The following RARS2 variants were observed in gnomAD, a reference collection of about 807,000 sequenced individuals.
The protein encoded by RARS2 is probable arginine--tRNA ligase, mitochondrial.
RARS2 carries 67 observed loss-of-function variants against 88.5 expected under a neutral mutation model. That is an observed-to-expected ratio of 0.76 (90% CI 0.62 to 0.93). RARS2 has a LOEUF of 0.93. RARS2 is among the 40% of genes least tolerant of loss of function. RARS2 has a pLI of 0.00. For missense variants in RARS2, 664 were observed against 684.2 expected (o/e 0.97, Z 0.33); for synonymous variants, 239 against 230.3 (o/e 1.04, Z -0.34).
intron 18 of RARS2, 74 bp from the exon 19 acceptor site, chr6:87,515,094 A>C: frequency 8.9e-7 from 1 of 1,124,006 alleles, no homozygotes; most frequent in Non-Finnish European, 1.4e-6. Context: ...TTGATATCTA[A>C]TCTTACTCCT....
chr6:87,586,325 C>T (rs890323444), intron 1 of RARS2, among the ~76,000 whole-genome samples: 1 of 152,218 alleles, frequency 6.6e-6, no homozygotes, highest in Non-Finnish European at 1.5e-5. Flanking sequence ...ATGTACATAT[C>T]ATGCTTTCCA....
chr6:87,521,520 G>C lies in RARS2; in HGVS notation c.979C>G (p.Leu327Val). Residue 327 changes from leucine to valine, a missense_variant, in exon 12 of 20, where the codon CTT becomes GTT. By Grantham distance (32) the Leu-to-Val change is conservative. Transcript: ENST00000369536. Reference sequence around the variant, plus strand: ...TCCATTCGATCTATAGCAGCTGCAAGATCTCTGAAACAAAGTGGCCATAAA... The same window carrying C: ...TCCATTCGATCTATAGCAGCTGCAACATCTCTGAAACAAAGTGGCCATAAA... ...DGTSLYATRD[L>V]AAAIDRMDKY... 6.2e-7 allele frequency: 1 copy of C among 1,611,948 alleles called. No homozygotes were observed. The highest frequency in any genetic ancestry group is 8.5e-7 in the Non-Finnish European group (1 of 1,178,356).
chr6:87,516,617 G>T (rs1422698433), intron 18 of RARS2, among the ~76,000 whole-genome samples, 189 bp downstream of exon 18: 1 of 152,216 alleles, frequency 6.6e-6, no homozygotes, highest in African/African-American at 2.4e-5. Flanking sequence ...CCAGTCTACA[G>T]TGACAGTACC....
chr6:87,558,126 A>T (rs903341138), intron 4 of RARS2, among the ~76,000 whole-genome samples: 4 of 152,042 alleles, frequency 2.6e-5, no homozygotes, highest in Non-Finnish European at 4.4e-5. Context: ...GCAATGAGCC[A>T]AGATCACGCC....
chr6:87,582,193 C>T (rs542496944), intron 1 of RARS2, among the ~76,000 whole-genome samples: 300 of 152,308 alleles, frequency 2.0e-3, no homozygotes, highest in African/African-American at 7.0e-3. Context: ...CTGTCTTCCA[C>T]AATGGCTGAA....
intron 8 of RARS2, among the ~76,000 whole-genome samples, chr6:87,541,699 C>T (rs1195630261): frequency 6.6e-6 from 1 of 152,112 alleles, no homozygotes; most frequent in Non-Finnish European, 1.5e-5. Context: ...TGGCATACGC[C>T]TGTAGTCCCA....
Position 87,569,675 on chromosome 6 carries a change from T to C in RARS2, c.37-85A>G, listed in dbSNP as rs577061603. ...GAATACCACTTGTAAGAATAAACTATTAATACACTTAACACGAATGAGCTC... is the reference window on the plus strand; with the variant it reads ...GAATACCACTTGTAAGAATAAACTACTAATACACTTAACACGAATGAGCTC... On this transcript the variant is annotated intron_variant, in intron 1 of 19. Transcript: ENST00000369536. 2.9e-6 allele frequency: 3 copies of C among 1,027,512 alleles called. No homozygotes were observed. The African/African-American group carries it at 4.7e-5, about 16-fold the overall frequency. The allele number at this position is 1,027,512 out of a possible 1,614,324, so 63.6% of individuals were successfully genotyped here.
At chr6:87,558,587 T>C (rs970598282) in intron 4 of RARS2, among the ~76,000 whole-genome samples, 2 of 152,194 alleles carry the variant, frequency 1.3e-5, no homozygotes, top group African/African-American at 2.4e-5. Flanking sequence ...GTGGTCCCAT[T>C]AAGACTATAA....
chr6:87,562,604 C>T (rs764864060), intron 4 of RARS2, 98 bp downstream of exon 4: 2 of 873,300 alleles, frequency 2.3e-6, no homozygotes, highest in Non-Finnish European at 3.8e-6. Context: ...GGTTTTGAGG[C>T]CAGAGGAGGC....
intron 5 of RARS2, among the ~76,000 whole-genome samples, chr6:87,552,895 A>G (rs35031351): frequency 0.064 from 9,681 of 152,252 alleles, 390 homozygotes; most frequent in African/African-American, 0.12. Flanking sequence ...TTTATTTGCC[A>G]GTTAGGTAAT....
At chr6:87,551,248 T>C (rs926124525) in intron 5 of RARS2, among the ~76,000 whole-genome samples, 1 of 152,166 alleles carries the variant, frequency 6.6e-6, no homozygotes, top group Non-Finnish European at 1.5e-5. Flanking sequence ...GTAGCTATTA[T>C]GAATTATAAT....
At chr6:87,563,667 G>A (rs1192744932) in intron 3 of RARS2, among the ~76,000 whole-genome samples, 1 of 152,132 alleles carries the variant, frequency 6.6e-6, no homozygotes, top group East Asian at 1.9e-4. Flanking sequence ...AAACCCATCA[G>A]AGAACTTAGA....
At chr6:87,515,154 A>C (rs1771144322) in intron 18 of RARS2, 134 bp from the exon 19 acceptor site, 2 of 765,022 alleles carry the variant, frequency 2.6e-6, no homozygotes, top group Non-Finnish European at 4.6e-6. Context: ...AAAATTGTGA[A>C]GTTGAAACTG....
chr6:87,555,077 C>T (rs1056858751), intron 5 of RARS2, among the ~76,000 whole-genome samples: 6 of 147,438 alleles, frequency 4.1e-5, no homozygotes, highest in Non-Finnish European at 6.0e-5. Flanking sequence ...CCAGCCTGGG[C>T]GACAGAGTGA....
At chr6:87,564,061 G>C (rs1225278628) in intron 3 of RARS2, 69 bp downstream of exon 3, 7 of 1,151,900 alleles carry the variant, frequency 6.1e-6, no homozygotes, top group Non-Finnish European at 7.9e-6. Flanking sequence ...GGCTGAGATA[G>C]CCTGCAAAGT....
chr6:87,520,584 T>C (rs985775298), intron 12 of RARS2, among the ~76,000 whole-genome samples: 2 of 152,136 alleles, frequency 1.3e-5, no homozygotes, highest in Non-Finnish European at 2.9e-5. Flanking sequence ...AAATATTTGA[T>C]GGTAACTTTC....
At chr6:87,540,447 A>AG (rs1491378096) in intron 8 of RARS2, among the ~76,000 whole-genome samples, 1 of 97,586 alleles carries the variant, frequency 1.0e-5, no homozygotes, top group Non-Finnish European at 2.3e-5. Flanking sequence ...GAGACTCCTC[A>AG]AAAAAAAAAA....
chr6:87,551,939 G>GAAACAGTAATT (rs1214042397), intron 5 of RARS2, among the ~76,000 whole-genome samples: 1 of 152,142 alleles, frequency 6.6e-6, no homozygotes, highest in Non-Finnish European at 1.5e-5. Context: ...GATTAGAGAG[G>GAAACAGTAATT]AAACAGTAAT....
At chr6:87,551,553 C>T (rs937315765) in intron 5 of RARS2, among the ~76,000 whole-genome samples, 11 of 132,212 alleles carry the variant, frequency 8.3e-5, no homozygotes, top group Non-Finnish European at 1.1e-4. Context: ...TTGCTTGAAC[C>T]GGGGAGGCAG....
Sources: gnomAD v4.1 joint callset for allele counts (sites outside exome capture counted in the v4.1 genomes callset) on GRCh38, gnomAD v4.1.1 for gene constraint, MANE v1.5 for transcripts, NCBI Gene and HGNC (gene_info 2026-07-23, HGNC 2026-07-21) for gene names.